Variants in SHC4 observed in about 807,000 individuals in gnomAD.
SHC4 encodes SHC-transforming protein 4.
Under a neutral mutation model 69.4 loss-of-function variants are expected in SHC4, and 41 were observed. The observed-to-expected ratio is 0.59, with a 90% confidence interval of 0.46 to 0.77. SHC4 has a LOEUF of 0.77. Among genes scored for constraint, SHC4 ranks in the 30% least tolerant of loss-of-function variants. The pLI, the probability that SHC4 is intolerant of heterozygous loss-of-function variation, is 0.00. For missense variants in SHC4, 777 were observed against 783.8 expected (o/e 0.99, Z 0.10); for synonymous variants, 318 against 299.3 (o/e 1.06, Z -0.64).
chr15:48,948,043 G>C (rs1218257217), intron 1 of SHC4: 5 of 152,220 alleles, frequency 3.3e-5, no homozygotes, highest in Non-Finnish European at 5.9e-5. Context: ...TCTCGTTGCT[G>C]ATTCAGTTTC....
chr15:48,932,550 C>G (rs1452444028), intron 1 of SHC4, among the ~76,000 whole-genome samples: 1 of 152,168 alleles, frequency 6.6e-6, no homozygotes, highest in Non-Finnish European at 1.5e-5. Flanking sequence ...CCTGAACTCA[C>G]CATGCTTCAA....
chr15:48,950,162 TTTATA>T (rs984473003), intron 1 of SHC4, among the ~76,000 whole-genome samples: 18 of 145,180 alleles, frequency 1.2e-4, no homozygotes, highest in African/African-American at 4.0e-4. Flanking sequence ...TATATATTAT[TTTATA>T]TTATATAATT....
At chr15:48,862,037 G>T (rs977500760) in intron 6 of SHC4, among the ~76,000 whole-genome samples, 17 of 152,096 alleles carry the variant, frequency 1.1e-4, no homozygotes, top group African/African-American at 4.1e-4. Context: ...TCAAAGCAGG[G>T]AGTCCTCCAT....
chr15:48,929,522 G>A (rs1900916021), intron 1 of SHC4, among the ~76,000 whole-genome samples: 1 of 152,176 alleles, frequency 6.6e-6, no homozygotes, highest in African/African-American at 2.4e-5. Flanking sequence ...TACTGAATCA[G>A]GGTTTATTCT....
At chr15:48,952,264 G>A (rs1439146060) in intron 1 of SHC4, among the ~76,000 whole-genome samples, 1 of 152,094 alleles carries the variant, frequency 6.6e-6, no homozygotes, top group Non-Finnish European at 1.5e-5. Flanking sequence ...TCCAATTTCT[G>A]GGGTTGTCCC....
intron 6 of SHC4, among the ~76,000 whole-genome samples, chr15:48,861,609 TAA>T (rs1899443719): frequency 6.6e-6 from 1 of 152,136 alleles, no homozygotes; most frequent in Non-Finnish European, 1.5e-5. Flanking sequence ...TAACTATATA[TAA>T]AAAGAGCCAA....
chr15:48,855,396 T>G (rs945256226), intron 8 of SHC4, among the ~76,000 whole-genome samples: 11 of 152,142 alleles, frequency 7.2e-5, no homozygotes, highest in Non-Finnish European at 1.5e-4. Context: ...TCTTCCAGTA[T>G]AGTGCACATG....
intron 1 of SHC4, among the ~76,000 whole-genome samples, chr15:48,932,381 G>A (rs1327877730): frequency 1.3e-5 from 2 of 152,140 alleles, no homozygotes; most frequent in Admixed American, 6.6e-5. Flanking sequence ...TCTACTACAG[G>A]TTGTCCAGGA....
chr15:48,914,744 A>G (rs1298645769), intron 2 of SHC4, among the ~76,000 whole-genome samples: 2 of 152,226 alleles, frequency 1.3e-5, no homozygotes, highest in African/African-American at 2.4e-5. Context: ...TTAAATATAT[A>G]TAATAAATAT....
chr15:48,938,353 G>A (rs1244618525), intron 1 of SHC4: 1 of 152,206 alleles, frequency 6.6e-6, no homozygotes, highest in African/African-American at 2.4e-5. Flanking sequence ...CGTTTAACTG[G>A]AGACCTATGG....
intron 1 of SHC4, among the ~76,000 whole-genome samples, chr15:48,951,842 T>C (rs946938014): frequency 6.6e-6 from 1 of 152,228 alleles, no homozygotes; most frequent in Non-Finnish European, 1.5e-5. Flanking sequence ...GTTTCATTTA[T>C]TATAACCTAA....
chr15:48,927,615 G>C (rs569797042), intron 1 of SHC4, among the ~76,000 whole-genome samples: 8 of 152,068 alleles, frequency 5.3e-5, no homozygotes, highest in African/African-American at 1.9e-4. Context: ...GGGGTTCCTG[G>C]CCCCAGCTCA....
intron 2 of SHC4, among the ~76,000 whole-genome samples, chr15:48,905,655 A>G (rs1900394221): frequency 6.6e-6 from 1 of 152,212 alleles, no homozygotes; most frequent in African/African-American, 2.4e-5. Context: ...GGAGAAAGCT[A>G]TTTCATTCAG....
At chr15:48,935,519 CCTAA>C (rs1362886318) in intron 1 of SHC4, among the ~76,000 whole-genome samples, 1 of 152,170 alleles carries the variant, frequency 6.6e-6, no homozygotes, top group Admixed American at 6.6e-5. Context: ...TAACCTGCAT[CCTAA>C]CTGGACCATT....
chr15:48,944,636 T>C (rs1163761058), intron 1 of SHC4, among the ~76,000 whole-genome samples: 1 of 152,202 alleles, frequency 6.6e-6, no homozygotes, highest in Non-Finnish European at 1.5e-5. Context: ...AAGGGAAACC[T>C]CTATCTTGTT....
At chr15:48,936,951 C>T (rs1007038313) in intron 1 of SHC4, among the ~76,000 whole-genome samples, 10 of 152,144 alleles carry the variant, frequency 6.6e-5, no homozygotes, top group Non-Finnish European at 1.2e-4. Context: ...TGAGCACAGA[C>T]AAAGTCACCC....
chr15:48,848,623 T>C (rs1351260935), intron 9 of SHC4, among the ~76,000 whole-genome samples: 1 of 152,190 alleles, frequency 6.6e-6, no homozygotes, highest in Non-Finnish European at 1.5e-5. Flanking sequence ...TGTTAATGTA[T>C]TTGAATCTTC....
chr15:48,963,626 A>G lies in SHC4; in HGVS notation c.-611T>C, dbSNP rs550697260. On this transcript the variant is annotated 5_prime_UTR_variant, in exon 1 of 12. Transcript: ENST00000332408. ...TCCAAAGGCTGCCCTCTCTTGGAAG[A>G]TCTTGTCTTGCATCCCGTTCTGGGC... is the stretch of plus-strand genomic sequence containing the variant. 6.6e-6 allele frequency among the ~76,000 whole-genome samples: 1 copy of G among 152,286 alleles called. No homozygotes were observed. Among genetic ancestry groups the G allele is most frequent in the East Asian group, 1.9e-4 (1 of 5,186 alleles).
intron 1 of SHC4, among the ~76,000 whole-genome samples, chr15:48,944,897 C>A (rs1901247390): frequency 6.6e-6 from 1 of 152,154 alleles, no homozygotes; most frequent in Admixed American, 6.5e-5. Flanking sequence ...TACAATAACA[C>A]CTTACTGAAA....
Sources: gnomAD v4.1 joint callset for allele counts (sites outside exome capture counted in the v4.1 genomes callset) on GRCh38, gnomAD v4.1.1 for gene constraint, MANE v1.5 for transcripts, NCBI Gene and HGNC (gene_info 2026-07-23, HGNC 2026-07-21) for gene names.